TEX9: variants seen among roughly 807,000 people sequenced by gnomAD.
TEX9 encodes testis-expressed protein 9.
In TEX9, 74 loss-of-function variants were observed where a neutral mutation model predicts 59.6. The observed-to-expected ratio is 1.24, with a 90% CI of 1.03 to 1.51. The LOEUF is 1.51. Among genes scored for constraint, TEX9 ranks in the 40% most tolerant of loss-of-function variants. The pLI, the probability that TEX9 is intolerant of heterozygous loss-of-function variation, is 0.00. For synonymous variants in TEX9, 186 were observed against 152.2 expected (o/e 1.22, Z -1.64); for missense variants, 522 against 447.8 (o/e 1.17, Z -1.49).
intron 1 of TEX9, among the ~76,000 whole-genome samples, chr15:56,357,282 C>G (rs946119066): frequency 2.0e-5 from 3 of 152,064 alleles, no homozygotes; most frequent in Non-Finnish European, 4.4e-5. Flanking sequence ...TATTGTATTT[C>G]TGGCTTTCAT....
chr15:56,281,062 T>C (rs2044805791), intron 1 of TEX9, among the ~76,000 whole-genome samples: 3 of 152,304 alleles, frequency 2.0e-5, no homozygotes, highest in Non-Finnish European at 4.4e-5. Context: ...ATAGAAATCT[T>C]GTATTGAAGA....
chr15:56,267,574 T>TTAGGGAATAA (rs2044417142), intron 1 of TEX9, among the ~76,000 whole-genome samples: 7 of 152,248 alleles, frequency 4.6e-5, no homozygotes, highest in Admixed American at 4.6e-4. Flanking sequence ...ATACCATTTA[T>TTAGGGAATAA]TAAATAGGGA....
chr15:56,244,466 T>TC (rs1178732271), intron 1 of TEX9, among the ~76,000 whole-genome samples: 1 of 151,850 alleles, frequency 6.6e-6, no homozygotes, highest in Non-Finnish European at 1.5e-5. Flanking sequence ...GCGGCCTCCA[T>TC]CCCCCTGCAA....
At chr15:56,320,755 TGTG>T (rs1270262825) in intron 1 of TEX9, among the ~76,000 whole-genome samples, 1 of 152,118 alleles carries the variant, frequency 6.6e-6, no homozygotes, top group Non-Finnish European at 1.5e-5. Flanking sequence ...GAGTAAAAAA[TGTG>T]CTATGATAAT....
intron 1 of TEX9, among the ~76,000 whole-genome samples, chr15:56,258,542 G>A (rs916628388): frequency 1.3e-5 from 2 of 151,910 alleles, no homozygotes; most frequent in Admixed American, 1.3e-4. Flanking sequence ...TTATTCTTTT[G>A]TAGCAATTGT....
intron 1 of TEX9, among the ~76,000 whole-genome samples, chr15:56,287,196 A>G (rs1386373343): frequency 1.3e-5 from 2 of 152,178 alleles, no homozygotes; most frequent in African/African-American, 2.4e-5. Flanking sequence ...GATGGATGCT[A>G]TATAATAATT....
intron 12 of TEX9, chr15:56,429,736 CAAAATT>C (rs2050517601): frequency 6.6e-6 from 1 of 152,032 alleles, no homozygotes; most frequent in African/African-American, 2.4e-5. Flanking sequence ...CTCTTTAAAA[CAAAATT>C]AAATATTTAC....
intron 3 of TEX9, among the ~76,000 whole-genome samples, chr15:56,377,258 A>T (rs1203299585): frequency 5.3e-5 from 8 of 152,102 alleles, no homozygotes; most frequent in African/African-American, 1.7e-4. Context: ...GGTTCCATAT[A>T]AATTTTAGGA....
chr15:56,271,879 G>A (rs185324701), intron 1 of TEX9, among the ~76,000 whole-genome samples: 174 of 152,220 alleles, frequency 1.1e-3, no homozygotes, highest in African/African-American at 4.1e-3. Flanking sequence ...GGTGGCTCAC[G>A]CCTGTAATCC....
At chr15:56,403,591 A>G (rs1324919771) in intron 9 of TEX9, among the ~76,000 whole-genome samples, 1 of 152,246 alleles carries the variant, frequency 6.6e-6, no homozygotes, top group East Asian at 1.9e-4. Flanking sequence ...CATCCCCATC[A>G]AGCTACCAAT....
intron 1 of TEX9, among the ~76,000 whole-genome samples, chr15:56,307,596 A>G (rs2141603312): frequency 6.6e-6 from 1 of 152,348 alleles, no homozygotes; most frequent in African/African-American, 2.4e-5. Flanking sequence ...TAAATTACGT[A>G]TCATAAAATT....
intron 12 of TEX9, among the ~76,000 whole-genome samples, chr15:56,438,914 C>G (rs1308447765): frequency 6.6e-6 from 1 of 151,958 alleles, no homozygotes; most frequent in Non-Finnish European, 1.5e-5. Flanking sequence ...TCTCATCACT[C>G]TTCTTCAACA....
intron 9 of TEX9, among the ~76,000 whole-genome samples, chr15:56,403,808 A>C (rs1400903565): frequency 6.6e-6 from 1 of 152,244 alleles, no homozygotes; most frequent in Non-Finnish European, 1.5e-5. Flanking sequence ...AACAGAACAG[A>C]GCCCTCAGAA....
At chr15:56,361,640 G>C (rs2046791056), upstream of TEX9, among the ~76,000 whole-genome samples, 1 of 152,062 alleles carries the variant, frequency 6.6e-6, no homozygotes, top group African/African-American at 2.4e-5. Flanking sequence ...CTAACCCCCA[G>C]TACCTGTGAA....
chr15:56,336,200 G>C (rs1168090196), intron 1 of TEX9, among the ~76,000 whole-genome samples: 1 of 152,098 alleles, frequency 6.6e-6, no homozygotes, highest in Non-Finnish European at 1.5e-5. Flanking sequence ...ATTGTCTTAG[G>C]TTGGGTTTCT....
intron 1 of TEX9, among the ~76,000 whole-genome samples, chr15:56,278,150 T>C (rs1269251425): frequency 2.0e-5 from 3 of 152,188 alleles, no homozygotes; most frequent in Non-Finnish European, 4.4e-5. Context: ...ATTATTGTCA[T>C]TTTAATCTCC....
At chr15:56,435,872 C>G (rs904941751) in intron 12 of TEX9, among the ~76,000 whole-genome samples, 1 of 151,914 alleles carries the variant, frequency 6.6e-6, no homozygotes, top group Non-Finnish European at 1.5e-5. Context: ...CAATATTCCT[C>G]GTGAATATGG....
At chr15:56,393,615 T>A (rs1479438134) in intron 7 of TEX9, 1 of 152,228 alleles carries the variant, frequency 6.6e-6, no homozygotes, top group Admixed American at 6.5e-5. Context: ...GATTTACTGC[T>A]GATATTATTG....
chr15:56,316,024 G>A (rs2045748905), intron 1 of TEX9, among the ~76,000 whole-genome samples: 1 of 150,818 alleles, frequency 6.6e-6, no homozygotes, highest in East Asian at 1.9e-4. Flanking sequence ...GCACTTCTCT[G>A]TATTGGTTAT....
Sources: allele counts gnomAD v4.1 joint callset (sites outside exome capture counted in the v4.1 genomes callset), GRCh38; gene constraint gnomAD v4.1.1; transcripts MANE v1.5; gene names NCBI Gene and HGNC (gene_info 2026-07-23, HGNC 2026-07-21).